The following FHIT variants were observed in gnomAD, a reference collection of about 807,000 sequenced individuals.
FHIT encodes the protein fragile histidine triad diadenosine triphosphatase.
In FHIT, 19 loss-of-function variants were observed where a neutral mutation model predicts 17.9. The observed-to-expected ratio is 1.06, with a 90% CI of 0.74 to 1.56. The LOEUF (loss-of-function observed/expected upper bound fraction) is 1.56. FHIT is among the 40% of genes most tolerant of loss of function. FHIT has a pLI of 0.00. For synonymous variants in FHIT, 81 were observed against 69.7 expected (o/e 1.16, Z -0.81); for missense variants, 248 against 189.2 (o/e 1.31, Z -1.82).
At chr3:60,497,809 T>C (rs1367372657) in intron 5 of FHIT, among the ~76,000 whole-genome samples, 1 of 152,212 alleles carries the variant, frequency 6.6e-6, no homozygotes, top group African/African-American at 2.4e-5. Flanking sequence ...CACCCCATCA[T>C]GCTTCCTTAA....
At chr3:60,593,685 T>C (rs1244735790) in intron 4 of FHIT, among the ~76,000 whole-genome samples, 1 of 152,106 alleles carries the variant, frequency 6.6e-6, no homozygotes, top group Non-Finnish European at 1.5e-5. Flanking sequence ...TGTTCCTCCA[T>C]TCTATTGATC....
intron 3 of FHIT, among the ~76,000 whole-genome samples, chr3:60,946,927 G>A (rs532588101): frequency 2.6e-5 from 4 of 152,318 alleles, no homozygotes; most frequent in South Asian, 2.1e-4. Flanking sequence ...CCCTTGAAAC[G>A]AGGCCAGTGT....
At chr3:60,079,821 A>G (rs1266768569) in intron 5 of FHIT, among the ~76,000 whole-genome samples, 1 of 152,104 alleles carries the variant, frequency 6.6e-6, no homozygotes, top group Non-Finnish European at 1.5e-5. Flanking sequence ...AAAAGCAGAA[A>G]ATGAATGCAG....
chr3:61,086,422 T>C (rs748767832), intron 2 of FHIT, among the ~76,000 whole-genome samples: 34 of 152,192 alleles, frequency 2.2e-4, no homozygotes, highest in Non-Finnish European at 3.5e-4. Context: ...TCATGACATA[T>C]ATTGTTTTTC....
chr3:60,658,920 AT>A (rs1553690348), intron 4 of FHIT, among the ~76,000 whole-genome samples: 2 of 148,450 alleles, frequency 1.3e-5, no homozygotes, highest in Non-Finnish European at 3.0e-5. Flanking sequence ...TCATTTTAGC[AT>A]TTCTTACAGA....
Position 60,465,238 on chromosome 3 carries a change from A to C in FHIT, c.103+71622T>G, listed in dbSNP as rs531881302. 5.3e-5 allele frequency among the ~76,000 whole-genome samples: 8 copies of C among 150,686 alleles called. 1 individual carries two copies. The South Asian group carries it at 8.3e-4, about 16-fold the overall frequency. On this transcript the variant is annotated intron_variant, in intron 5 of 9. Transcript: ENST00000492590. ...GATTATTAGATTTTTTTTCCTATGG[A>C]ATTGTTTGAGCTCCTTATATATTTT...
At chr3:60,881,246 A>G (rs1334244610) in intron 3 of FHIT, among the ~76,000 whole-genome samples, 1 of 152,244 alleles carries the variant, frequency 6.6e-6, no homozygotes, top group Non-Finnish European at 1.5e-5. Context: ...GCAAGAAGCT[A>G]CAACAGTTAT....
In FHIT at chr3:59,938,914, G is replaced by A. The variant is rs575360296; in HGVS notation, c.280-16500C>T. Among the ~76,000 whole-genome samples, 14 of 152,216 alleles carry A rather than the reference G, an allele frequency of 9.2e-5. No individual in the cohort carries two copies. The South Asian group carries it at 2.5e-3, about 27-fold the overall frequency. On this transcript the variant is annotated intron_variant, in intron 7 of 9. Coordinates refer to ENST00000492590, the MANE Select transcript of FHIT (RefSeq NM_002012.4). ...ATGGGGACCTCCTAAATCATATCTC[G>A]GTTTGGGTCTAGAATGATGGTGCTG...
intron 5 of FHIT, among the ~76,000 whole-genome samples, chr3:60,376,550 A>T (rs1700570295): frequency 6.6e-6 from 1 of 152,184 alleles, no homozygotes. Context: ...TTTGCTCTAA[A>T]ATCTGTTGTG....
At chr3:60,519,430 T>A (rs909050805) in intron 5 of FHIT, among the ~76,000 whole-genome samples, 3 of 152,180 alleles carry the variant, frequency 2.0e-5, no homozygotes, top group African/African-American at 7.2e-5. Context: ...CCTGTACCAC[T>A]CCCCATCTGC....
intron 3 of FHIT, among the ~76,000 whole-genome samples, chr3:60,924,511 G>T (rs973398933): frequency 2.2e-4 from 33 of 152,178 alleles, no homozygotes; most frequent in African/African-American, 7.7e-4. Flanking sequence ...ACTGTTAGAA[G>T]GAAAACTAAC....
intron 4 of FHIT, among the ~76,000 whole-genome samples, chr3:60,586,582 G>A (rs2107687996): frequency 6.6e-6 from 1 of 152,062 alleles, no homozygotes; most frequent in Non-Finnish European, 1.5e-5. Context: ...CAAAGACATG[G>A]AATCAACCTA....
At chr3:60,395,692 A>G (rs1002396416) in intron 5 of FHIT, among the ~76,000 whole-genome samples, 1 of 152,188 alleles carries the variant, frequency 6.6e-6, no homozygotes, top group African/African-American at 2.4e-5. Context: ...GATCAGTCAA[A>G]TACTAGACAA....
intron 2 of FHIT, among the ~76,000 whole-genome samples, chr3:61,107,047 T>C (rs1352004445): frequency 6.6e-6 from 1 of 152,216 alleles, no homozygotes; most frequent in Non-Finnish European, 1.5e-5. Flanking sequence ...ACCATAGTCA[T>C]TATGTTGTAC....
At chr3:60,859,167 G>T (rs750333439) in intron 3 of FHIT, among the ~76,000 whole-genome samples, 5 of 152,054 alleles carry the variant, frequency 3.3e-5, no homozygotes, top group Admixed American at 1.3e-4. Context: ...ATCCCAATAG[G>T]AGTATCGAAT....
intron 5 of FHIT, among the ~76,000 whole-genome samples, chr3:60,384,081 A>C (rs367727893): frequency 3.3e-5 from 5 of 152,190 alleles, no homozygotes; most frequent in African/African-American, 9.6e-5. Context: ...CATCTTGGCC[A>C]TCATGGTGAA....
intron 7 of FHIT, among the ~76,000 whole-genome samples, chr3:59,969,479 C>A (rs1402817076): frequency 6.6e-6 from 1 of 152,040 alleles, no homozygotes; most frequent in Non-Finnish European, 1.5e-5. Context: ...GAATTTCACC[C>A]CAACCTCTGC....
intron 2 of FHIT, among the ~76,000 whole-genome samples, chr3:61,198,494 T>A (rs142950096): frequency 8.4e-4 from 127 of 150,768 alleles, no homozygotes; most frequent in African/African-American, 2.7e-3. Context: ...AAAGATGCTG[T>A]TAGGAAGGAA....
chr3:60,650,784 TAA>T (rs1165732531), intron 4 of FHIT, among the ~76,000 whole-genome samples: 1 of 152,162 alleles, frequency 6.6e-6, no homozygotes, highest in Non-Finnish European at 1.5e-5. Flanking sequence ...GCACATAATT[TAA>T]AGTGTTTTTC....
Sources: allele counts gnomAD v4.1 joint callset (sites outside exome capture counted in the v4.1 genomes callset), GRCh38; gene constraint gnomAD v4.1.1; transcripts MANE v1.5; gene names NCBI Gene and HGNC (gene_info 2026-07-23, HGNC 2026-07-21).